NCAPD3: variants seen among roughly 807,000 people sequenced by gnomAD.
The protein encoded by NCAPD3 is non-SMC condensin II complex subunit D3.
NCAPD3 carries 105 observed loss-of-function variants against 182.9 expected under a neutral mutation model. The ratio of observed to expected loss-of-function variants is 0.57; its 90% CI spans 0.49 to 0.68. NCAPD3 has a LOEUF of 0.68. Among genes scored for constraint, NCAPD3 ranks in the 30% least tolerant of loss-of-function variants. NCAPD3 has a pLI of 0.00. For synonymous variants in NCAPD3, 815 were observed against 679.9 expected (o/e 1.20, Z -3.09); for missense variants, 1,944 against 1,837.0 (o/e 1.06, Z -1.07).
chr11:134,204,817 C>T lies in NCAPD3; in HGVS notation c.1089+82G>A, dbSNP rs1591856501. ...CACACTCATTCCCAAGAACAAATAC[C>T]CACACTCACACACACACACACACAT... On this transcript the variant is annotated intron_variant, in intron 9 of 34. Transcript: ENST00000534548. The surrounding 1 kb of genome is among the most constrained non-coding windows in gnomAD (Gnocchi z 4.3). 2 of 1,141,872 alleles carry T rather than the reference C, an allele frequency of 1.8e-6. No homozygotes were observed. The highest frequency in any genetic ancestry group is 1.6e-5 in the African/African-American group (1 of 63,540). 70.7% of individuals were successfully genotyped at this position (1,141,872 alleles called of 1,614,324 possible).
Position 134,223,904 on chromosome 11 carries a change from C to CCAAGGCCCCG in NCAPD3, c.13_22dup (p.Gly8AlafsTer5), listed in dbSNP as rs1565563827. ...CGGACACCAGGGCTGCAGGCCGCTA[C>CCAAGGCCCCG]CAAGGCCCCGCAACGCCACCATGAT... On this transcript the variant is annotated frameshift_variant, in exon 1 of 35. Transcript: ENST00000534548. LOFTEE classifies it high-confidence loss of function. 1 of 1,612,780 alleles carries CCAAGGCCCCG rather than the reference C, an allele frequency of 6.2e-7. No individual in the cohort carries two copies. The highest frequency in any genetic ancestry group is 8.5e-7 in the Non-Finnish European group (1 of 1,179,848).
chr11:134,202,487 C>G (rs1269285307), intron 13 of NCAPD3, among the ~76,000 whole-genome samples: 19 of 152,182 alleles, frequency 1.2e-4, no homozygotes, highest in Admixed American at 1.2e-3. Context: ...AAGCCATCCT[C>G]CCACCTCAGC....
chr11:134,189,857 C>T (rs775603126), intron 16 of NCAPD3, among the ~76,000 whole-genome samples: 1 of 151,914 alleles, frequency 6.6e-6, no homozygotes, highest in Non-Finnish European at 1.5e-5. Context: ...CTATTTGATA[C>T]GGCCTTCTTT....
In NCAPD3 at chr11:134,197,030, C is replaced by T. The variant is rs137957927; in HGVS notation, c.1616-2292G>A. 5.0e-4 allele frequency among the ~76,000 whole-genome samples: 76 copies of T among 152,226 alleles called. 5 individuals carry two copies. The East Asian group carries it at 0.015, about 29-fold the overall frequency. ...ATCCCTCGCAGCTTGGTGCTGTCTT[C>T]AGGACAGCAATACTGAGTGAGTTCT... On this transcript the variant is annotated intron_variant, in intron 13 of 34. Transcript: ENST00000534548.
At chr11:134,163,573 GC>G (rs2120596561) in intron 27 of NCAPD3, among the ~76,000 whole-genome samples, 1 of 152,088 alleles carries the variant, frequency 6.6e-6, no homozygotes, top group South Asian at 2.1e-4. Flanking sequence ...GGTGGCTGGT[GC>G]CTGTAGTCCC....
intron 3 of NCAPD3, among the ~76,000 whole-genome samples, chr11:134,213,412 T>C (rs1215569938): frequency 3.3e-5 from 5 of 151,776 alleles, no homozygotes; most frequent in African/African-American, 9.7e-5. Context: ...CTCTACTGCC[T>C]GGGTTCAAGC....
At chr11:134,159,698 G>A (rs1943523781) in intron 29 of NCAPD3, among the ~76,000 whole-genome samples, 194 bp downstream of exon 29, 1 of 152,216 alleles carries the variant, frequency 6.6e-6, no homozygotes, top group Non-Finnish European at 1.5e-5. Flanking sequence ...CCTCATGGAA[G>A]GGAGGTCTGG....
chr11:134,194,582 TG>T, intron 14 of NCAPD3, 82 bp downstream of exon 14: 2 of 931,172 alleles, frequency 2.1e-6, no homozygotes, highest in Non-Finnish European at 3.2e-6. Context: ...GTAATGAATA[TG>T]GCCTAAGAGT....
intron 20 of NCAPD3, among the ~76,000 whole-genome samples, chr11:134,180,861 G>A (rs909009777): frequency 5.3e-5 from 8 of 152,042 alleles, no homozygotes; most frequent in South Asian, 2.1e-4. Flanking sequence ...TAGATGAAGC[G>A]TATACCATTG....
chr11:134,174,544 TAAAA>T (rs1185986439), intron 24 of NCAPD3, among the ~76,000 whole-genome samples: 4 of 151,670 alleles, frequency 2.6e-5, no homozygotes, highest in Admixed American at 6.6e-5. Context: ...ATGTAAGAGT[TAAAA>T]AAAGGGAGGG....
intron 31 of NCAPD3, among the ~76,000 whole-genome samples, chr11:134,157,438 A>C (rs2120520105): frequency 6.6e-6 from 1 of 152,368 alleles, no homozygotes; most frequent in Admixed American, 6.5e-5. Context: ...AAGGATGTTT[A>C]CTGTGATAGT....
At chr11:134,203,950 G>A (rs767697730) in intron 10 of NCAPD3, 44 bp from the exon 11 acceptor site, 1 of 1,604,558 alleles carries the variant, frequency 6.2e-7, no homozygotes, top group East Asian at 2.2e-5. Flanking sequence ...ATAGGAGTAA[G>A]AACCAAAGAA....
chr11:134,184,564 C>T (rs1591841679), intron 19 of NCAPD3, 73 bp downstream of exon 19: 2 of 1,047,336 alleles, frequency 1.9e-6, no homozygotes, highest in Non-Finnish European at 2.8e-6. Flanking sequence ...ATGCTCCTCA[C>T]ACTTCAAAAC....
chr11:134,163,590 C>A (rs966482868), intron 27 of NCAPD3, among the ~76,000 whole-genome samples: 4 of 151,322 alleles, frequency 2.6e-5, no homozygotes, highest in Admixed American at 2.0e-4. Flanking sequence ...GTCCCAGCTA[C>A]TAGGGAGGCT....
Position 134,168,501 on chromosome 11 carries a change from T to G in NCAPD3, c.3341A>C (p.Asn1114Thr), listed in dbSNP as rs567450574. The change falls in exon 26 of 35, where the codon AAC (asparagine) becomes ACC (threonine). Residue 1114 changes from asparagine (N) to threonine (T), a missense_variant. By Grantham distance (65) the Asn-to-Thr change is moderately conservative. Coordinates refer to ENST00000534548, the MANE Select transcript of NCAPD3 (RefSeq NM_015261.3). ...ACTAAGGCAGATTTTGGAAGTGATGTTGAATCGCTGTTCATCTGTGAAGTG... is the reference window on the plus strand; with the variant it reads ...ACTAAGGCAGATTTTGGAAGTGATGGTGAATCGCTGTTCATCTGTGAAGTG... ...LEHFTDEQRF[N>T]ITSKICLSIL... The G allele has an allele frequency of 6.2e-7, 1 of 1,614,116 alleles. No homozygotes were observed. The highest frequency in any genetic ancestry group is 2.2e-5 in the East Asian group (1 of 44,904).
chr11:134,164,549 C>G (rs1167673026), intron 27 of NCAPD3, among the ~76,000 whole-genome samples: 1 of 152,208 alleles, frequency 6.6e-6, no homozygotes, highest in Non-Finnish European at 1.5e-5. Context: ...GGGACACTCA[C>G]TTGTGAAATG....
Position 134,202,798 on chromosome 11 carries a change from TG to T in NCAPD3, c.1615+17del. On this transcript the variant is annotated intron_variant, in intron 13 of 34. Transcript: ENST00000534548. ...TCCAGCAGTATTACCTATCTGACAG[TG>T]ATAAAATCTGACATACCTCCAGATC... 1 of 1,548,158 alleles carries T rather than the reference TG, an allele frequency of 6.5e-7. No homozygotes were observed. Among genetic ancestry groups the T allele is most frequent in the Non-Finnish European group, 8.8e-7 (1 of 1,132,616 alleles).
chr11:134,153,372 A>G lies in NCAPD3; in HGVS notation c.4253-9T>C, dbSNP rs376850781. ...GACATCACTGATGCTCTCTGCATAA[A>G]GAGGAGACACCACTGAGTGAAAGCC... is the stretch of plus-strand genomic sequence containing the variant. On this transcript the variant is annotated splice_polypyrimidine_tract_variant and intron_variant, in intron 32 of 34. Coordinates refer to ENST00000534548, the MANE Select transcript of NCAPD3 (RefSeq NM_015261.3). The G allele has an allele frequency of 2.9e-5, 46 of 1,613,958 alleles. No individual in the cohort carries two copies. The highest frequency in any genetic ancestry group is 6.7e-5 in the Admixed American group (4 of 60,026).
chr11:134,169,501 T>C (rs1243310694), intron 24 of NCAPD3, among the ~76,000 whole-genome samples: 2 of 152,342 alleles, frequency 1.3e-5, no homozygotes, highest in East Asian at 3.9e-4. Flanking sequence ...AAACCAATTT[T>C]AGTAACTGGA....
Sources: allele counts gnomAD v4.1 joint callset (sites outside exome capture counted in the v4.1 genomes callset), GRCh38; gene constraint gnomAD v4.1.1; non-coding constraint Gnocchi (gnomAD v3.1); transcripts MANE v1.5; gene names NCBI Gene and HGNC (gene_info 2026-07-23, HGNC 2026-07-21).